DOK6: variants seen among roughly 807,000 people sequenced by gnomAD.
DOK6 encodes downstream of tyrosine kinase 6.
A neutral mutation model predicts 44.0 loss-of-function variants in DOK6; 22 were observed. The ratio of observed to expected loss-of-function variants is 0.50; its 90% CI spans 0.36 to 0.71. DOK6 has a LOEUF of 0.71. DOK6 is among the 30% of genes least tolerant of loss of function. The pLI is 0.00. For synonymous variants in DOK6, 166 were observed against 145.5 expected (o/e 1.14, Z -1.01); for missense variants, 340 against 416.4 (o/e 0.82, Z 1.60).
intron 1 of DOK6, among the ~76,000 whole-genome samples, chr18:69,517,146 TGA>T (rs1356136557): frequency 6.6e-6 from 1 of 152,196 alleles, no homozygotes; most frequent in Admixed American, 6.5e-5. Flanking sequence ...GGTCAATAAG[TGA>T]GATGTTAAAA....
rs972919218 is a variant in DOK6, at chr18:69,783,817, T to C, written c.856+25944T>C. Among the ~76,000 whole-genome samples the C allele has an allele frequency of 2.6e-5, 4 of 152,210 alleles. No individual in the cohort carries two copies. The East Asian group carries it at 5.8e-4, about 22-fold the overall frequency. On this transcript the variant is annotated intron_variant, in intron 7 of 7. Transcript: ENST00000382713. Reference sequence around the variant, plus strand: ...TTTTCAATGAATATCATTTAATTTTTCAAAAAGTATAAAATTTTAGTGCAT... The same window carrying C: ...TTTTCAATGAATATCATTTAATTTTCCAAAAAGTATAAAATTTTAGTGCAT...
intron 1 of DOK6, among the ~76,000 whole-genome samples, chr18:69,522,366 G>T (rs1433221421): frequency 6.6e-6 from 1 of 151,904 alleles, no homozygotes; most frequent in Non-Finnish European, 1.5e-5. Flanking sequence ...ACTTCAACTA[G>T]AACCAAATAG....
At chr18:69,527,662 A>T (rs1017344534) in intron 1 of DOK6, among the ~76,000 whole-genome samples, 1 of 152,198 alleles carries the variant, frequency 6.6e-6, no homozygotes, top group African/African-American at 2.4e-5. Flanking sequence ...CATCTTAAAT[A>T]TACATACTTT....
rs1385169393 is a variant in DOK6 at position 69,846,017 on chromosome 18, A to C, written c.*4634A>C. ...GACAAGCTCACACTCTCATGTGTGC[A>C]TTCTCTATTAACATATTTGGAAGAT... On this transcript the variant is annotated 3_prime_UTR_variant, in exon 8 of 8. Transcript: ENST00000382713. 1 of 152,206 alleles carries C rather than the reference A, an allele frequency of 6.6e-6. No homozygotes were observed. The highest frequency in any genetic ancestry group is 1.5e-5 in the Non-Finnish European group (1 of 68,032). The allele number at this position is 152,206 out of a possible 1,614,324, so 9.4% of individuals were successfully genotyped here. A position where few individuals can be genotyped will look rare whatever the true frequency, so the allele number is the denominator to read the frequency against.
intron 1 of DOK6, among the ~76,000 whole-genome samples, chr18:69,522,831 ATTATCG>A (rs1981724820): frequency 6.6e-6 from 1 of 152,022 alleles, no homozygotes; most frequent in South Asian, 2.1e-4. Context: ...AACCCAACAA[ATTATCG>A]TTAAGTATGT....
intron 7 of DOK6, among the ~76,000 whole-genome samples, chr18:69,787,859 C>A (rs1980479262): frequency 6.6e-6 from 1 of 152,184 alleles, no homozygotes; most frequent in Admixed American, 6.5e-5. Context: ...TGCAATTAAT[C>A]TGCTTTCTCC....
chr18:69,527,405 G>T (rs1981860768), intron 1 of DOK6, among the ~76,000 whole-genome samples: 1 of 152,190 alleles, frequency 6.6e-6, no homozygotes, highest in Non-Finnish European at 1.5e-5. Context: ...TCACATGGCA[G>T]CAGGAGAGGG....
intron 1 of DOK6, among the ~76,000 whole-genome samples, chr18:69,493,947 T>G (rs1980808729): frequency 6.6e-6 from 1 of 152,168 alleles, no homozygotes; most frequent in South Asian, 2.1e-4. Flanking sequence ...AATCATGCAT[T>G]CAGATAGCAA....
intron 1 of DOK6, 132 bp downstream of exon 1, chr18:69,401,442 C>G (rs1189377859): frequency 9.4e-7 from 1 of 1,062,172 alleles, no homozygotes; most frequent in African/African-American, 1.7e-5. Context: ...GCGGATGGCC[C>G]GCTTGTTGCT....
At chr18:69,570,205 A>G (rs1168565915) in intron 2 of DOK6, among the ~76,000 whole-genome samples, 1 of 152,180 alleles carries the variant, frequency 6.6e-6, no homozygotes, top group Non-Finnish European at 1.5e-5. Flanking sequence ...AAGTTAAACA[A>G]TATATTTTTT....
chr18:69,694,876 G>T (rs1179919372), intron 4 of DOK6, among the ~76,000 whole-genome samples: 1 of 152,074 alleles, frequency 6.6e-6, no homozygotes, highest in Non-Finnish European at 1.5e-5. Context: ...AAAATAGTTG[G>T]AATACACATA....
chr18:69,735,651 C>A (rs1168439169), intron 5 of DOK6, among the ~76,000 whole-genome samples: 2 of 152,204 alleles, frequency 1.3e-5, no homozygotes, highest in Non-Finnish European at 2.9e-5. Flanking sequence ...TGCAGCACCC[C>A]CAGGACTGAC....
At chr18:69,750,056 TA>T (rs1979124196) in intron 6 of DOK6, among the ~76,000 whole-genome samples, 1 of 147,444 alleles carries the variant, frequency 6.8e-6, no homozygotes, top group Non-Finnish European at 1.5e-5. Flanking sequence ...TATATATATA[TA>T]TTATATATAT....
At chr18:69,806,723 A>T (rs1181161251) in intron 7 of DOK6, among the ~76,000 whole-genome samples, 1 of 151,982 alleles carries the variant, frequency 6.6e-6, no homozygotes, top group East Asian at 1.9e-4. Flanking sequence ...TTAGGTAATC[A>T]GAGACTCACA....
At chr18:69,567,458 A>G (rs887050468) in intron 2 of DOK6, among the ~76,000 whole-genome samples, 5 of 152,136 alleles carry the variant, frequency 3.3e-5, no homozygotes, top group African/African-American at 1.2e-4. Context: ...AGAAAGAAAA[A>G]TTTTTAAAAA....
At chr18:69,489,483 AC>A (rs1980675888) in intron 1 of DOK6, among the ~76,000 whole-genome samples, 1 of 152,132 alleles carries the variant, frequency 6.6e-6, no homozygotes. Flanking sequence ...GGAAGTGTGT[AC>A]ACCATGGAAA....
intron 1 of DOK6, among the ~76,000 whole-genome samples, chr18:69,434,513 A>G (rs2122429532): frequency 6.6e-6 from 1 of 152,160 alleles, no homozygotes; most frequent in East Asian, 2.0e-4. Flanking sequence ...AAAGGTGGCC[A>G]GGCACGGTGG....
chr18:69,775,091 A>C (rs1055934972), intron 7 of DOK6, among the ~76,000 whole-genome samples: 4 of 151,886 alleles, frequency 2.6e-5, no homozygotes, highest in Non-Finnish European at 4.4e-5. Flanking sequence ...ATAACCATTC[A>C]AGAAATGAGG....
In DOK6 at chr18:69,814,809, C is replaced by G. The variant is rs376394183; in HGVS notation, c.857-26435C>G. On this transcript the variant is annotated intron_variant, in intron 7 of 7. Coordinates refer to ENST00000382713, the MANE Select transcript of DOK6 (RefSeq NM_152721.6). ...GGAAAGTCCACCCCCATGGTTCGGG[C>G]ACTTTCCACCAGGACCCTCCCCCAA... 6.4e-4 allele frequency among the ~76,000 whole-genome samples: 98 copies of G among 152,208 alleles called. 1 individual carries two copies. Among genetic ancestry groups the G allele is most frequent in the African/African-American group, 2.1e-3 (88 of 41,544 alleles).
Sources: gnomAD v4.1 joint callset for allele counts (sites outside exome capture counted in the v4.1 genomes callset) on GRCh38, gnomAD v4.1.1 for gene constraint, MANE v1.5 for transcripts, NCBI Gene and HGNC (gene_info 2026-07-23, HGNC 2026-07-21) for gene names.